ROR1: variants seen among roughly 807,000 people sequenced by gnomAD.
The protein encoded by ROR1 is inactive tyrosine-protein kinase transmembrane receptor ROR1.
ROR1 carries 19 observed loss-of-function variants against 78.8 expected under a neutral mutation model. The ratio of observed to expected loss-of-function variants is 0.24; its 90% CI spans 0.17 to 0.35. The LOEUF is 0.35. Ranked by LOEUF, ROR1 falls within the 10% of genes least tolerant of loss-of-function variation. The pLI, the probability that ROR1 is intolerant of heterozygous loss-of-function variation, is 1.00. For missense variants in ROR1, 917 were observed against 1,177.8 expected (o/e 0.78, Z 3.24); for synonymous variants, 386 against 433.6 (o/e 0.89, Z 1.36).
At position 63,932,640 on chromosome 1, in the gene ROR1, T is replaced by C. The variant is rs933574742; in HGVS notation, c.92-76665T>C. Among the ~76,000 whole-genome samples, 5 of 152,184 alleles carry C rather than the reference T, an allele frequency of 3.3e-5. No individual in the cohort carries two copies. The East Asian group carries it at 7.7e-4, about 23-fold the overall frequency. On this transcript the variant is annotated intron_variant, in intron 1 of 8. Coordinates refer to ENST00000371079, the MANE Select transcript of ROR1 (RefSeq NM_005012.4). ...CATTACCTTACCTGATTCTCAGATG[T>C]CCTCAAGTGATGTTATCATGATCTA... is the stretch of plus-strand genomic sequence containing the variant.
chr1:64,137,285 A>G (rs1649145440), intron 4 of ROR1, 84 bp from the exon 5 acceptor site: 1 of 1,472,726 alleles, frequency 6.8e-7, no homozygotes. Flanking sequence ...CCTAGTGACT[A>G]TTTAGGGTAT....
intron 4 of ROR1, among the ~76,000 whole-genome samples, chr1:64,091,063 G>T (rs2100643973): frequency 6.6e-6 from 1 of 152,304 alleles, no homozygotes; most frequent in East Asian, 1.9e-4. Flanking sequence ...GTTAGAGGCA[G>T]CTAGGATTCA....
Position 64,067,710 on chromosome 1 carries a change from C to CTTTTTTTTTTTTTTTT in ROR1, c.482+16999_482+17014dup, listed in dbSNP as rs986756579. On this transcript the variant is annotated intron_variant, in intron 4 of 8. Coordinates refer to ENST00000371079, the MANE Select transcript of ROR1 (RefSeq NM_005012.4). Reference sequence around the variant, plus strand: ...TATTTCTATCCAAGTTAAATAAATTCTTTTTTTTTTTTTTTTTTTTGAGAC... The same window carrying CTTTTTTTTTTTTTTTT: ...TATTTCTATCCAAGTTAAATAAATTCTTTTTTTTTTTTTTTTTTTTTTTTTTTTTTTTTTTTGAGAC... 1.1e-3 allele frequency among the ~76,000 whole-genome samples: 116 copies of CTTTTTTTTTTTTTTTT among 105,636 alleles called. 13 individuals carry two copies. The highest frequency in any genetic ancestry group is 3.7e-3 in the African/African-American group (87 of 23,496). The allele number at this position is 105,636 out of a possible 152,430, so 69.3% of individuals were successfully genotyped here. A position where few individuals can be genotyped will look rare whatever the true frequency, so the allele number is the denominator to read the frequency against.
At chr1:63,871,224 A>T (rs970230511) in intron 1 of ROR1, among the ~76,000 whole-genome samples, 3 of 152,214 alleles carry the variant, frequency 2.0e-5, no homozygotes, top group African/African-American at 7.2e-5. Flanking sequence ...AAAATCTATG[A>T]AAAGGAGACA....
rs975837008 is a variant in ROR1 at position 64,006,627 on chromosome 1, A to C, written c.92-2678A>C. On this transcript the variant is annotated intron_variant, in intron 1 of 8. Coordinates refer to ENST00000371079, the MANE Select transcript of ROR1 (RefSeq NM_005012.4). ...TGGGTAAAATTTTCTTTTTGTTTTC[A>C]TATTTTGGAATTAAGATCCCTGCCA... is the stretch of plus-strand genomic sequence containing the variant. Among the ~76,000 whole-genome samples, 5 of 152,214 alleles carry C rather than the reference A, an allele frequency of 3.3e-5. No homozygotes were observed. In the East Asian group the frequency reaches 9.7e-4, roughly 29 times the overall value.
At chr1:63,924,551 A>G in intron 1 of ROR1, among the ~76,000 whole-genome samples, 1 of 152,166 alleles carries the variant, frequency 6.6e-6, no homozygotes, top group Non-Finnish European at 1.5e-5. Flanking sequence ...CATCTCATAC[A>G]GCCTACTGCC....
intron 1 of ROR1, among the ~76,000 whole-genome samples, chr1:63,981,675 A>T (rs1646211591): frequency 1.3e-5 from 2 of 152,116 alleles, no homozygotes; most frequent in South Asian, 4.1e-4. Context: ...CAGCTGGTCC[A>T]CATGGGTAGG....
At chr1:63,929,895 C>A (rs1160396371) in intron 1 of ROR1, among the ~76,000 whole-genome samples, 2 of 152,122 alleles carry the variant, frequency 1.3e-5, no homozygotes, top group Non-Finnish European at 2.9e-5. Context: ...CAATCTGGCC[C>A]AGAACCTGGT....
intron 1 of ROR1, among the ~76,000 whole-genome samples, chr1:63,871,540 T>G (rs978704564): frequency 7.2e-5 from 11 of 152,190 alleles, no homozygotes; most frequent in African/African-American, 2.7e-4. Context: ...GTGTTATCAC[T>G]GCCAAGCACC....
At chr1:63,957,886 G>T (rs1645996692) in intron 1 of ROR1, among the ~76,000 whole-genome samples, 1 of 151,908 alleles carries the variant, frequency 6.6e-6, no homozygotes, top group African/African-American at 2.4e-5. Flanking sequence ...GGGATTATAG[G>T]CTCATGCCAC....
chr1:64,024,167 T>C (rs1026908566), intron 2 of ROR1, among the ~76,000 whole-genome samples: 3 of 152,196 alleles, frequency 2.0e-5, no homozygotes, highest in African/African-American at 7.2e-5. Flanking sequence ...TAATTCTTTA[T>C]AGCAGTGTGA....
intron 1 of ROR1, among the ~76,000 whole-genome samples, chr1:63,948,937 A>G (rs1191258684): frequency 6.6e-6 from 1 of 152,182 alleles, no homozygotes; most frequent in Non-Finnish European, 1.5e-5. Flanking sequence ...CACACGGTCT[A>G]TGATATTCTG....
At chr1:63,925,424 T>G (rs1368809338) in intron 1 of ROR1, among the ~76,000 whole-genome samples, 1 of 152,024 alleles carries the variant, frequency 6.6e-6, no homozygotes, top group Admixed American at 6.6e-5. Flanking sequence ...TGTTGGACAT[T>G]TGGGTTGGTT....
At chr1:64,038,664 T>A (rs1646722440) in intron 2 of ROR1, among the ~76,000 whole-genome samples, 2 of 152,202 alleles carry the variant, frequency 1.3e-5, no homozygotes, top group African/African-American at 2.4e-5. Context: ...GATCACACTT[T>A]ATCATGATTA....
chr1:63,931,984 C>T (rs904075236), intron 1 of ROR1, among the ~76,000 whole-genome samples: 3 of 152,104 alleles, frequency 2.0e-5, no homozygotes, highest in Admixed American at 1.3e-4. Flanking sequence ...GGTCTAGGAA[C>T]GTACCCCCTT....
intron 1 of ROR1, among the ~76,000 whole-genome samples, chr1:63,864,521 G>A (rs1036660234): frequency 2.6e-5 from 4 of 152,168 alleles, no homozygotes; most frequent in East Asian, 3.9e-4. Flanking sequence ...GGTATGACGG[G>A]GGGTAGGCGG....
chr1:64,156,340 T>C (rs972342537), intron 7 of ROR1, among the ~76,000 whole-genome samples: 1 of 152,216 alleles, frequency 6.6e-6, no homozygotes, highest in South Asian at 2.1e-4. Flanking sequence ...TGTCTATCTA[T>C]AGGCATGTAG....
Position 63,976,668 on chromosome 1 carries a change from G to A in ROR1, c.92-32637G>A, listed in dbSNP as rs188262326. 2.6e-5 allele frequency among the ~76,000 whole-genome samples: 4 copies of A among 152,186 alleles called. No individual in the cohort carries two copies. In the East Asian group the frequency reaches 5.8e-4, roughly 22 times the overall value. ...ATCTTTTTTCTTCCTCCTTTTGTCA[G>A]TCACTTGGTCATATTGCTCATTAGC... On this transcript the variant is annotated intron_variant, in intron 1 of 8. Transcript: ENST00000371079.
chr1:63,881,121 G>A (rs1025051272), intron 1 of ROR1, among the ~76,000 whole-genome samples: 2 of 152,156 alleles, frequency 1.3e-5, no homozygotes, highest in South Asian at 4.1e-4. Flanking sequence ...TGGTGATGCT[G>A]CTGGCCCTTA....
Sources: gnomAD v4.1 joint callset for allele counts (sites outside exome capture counted in the v4.1 genomes callset) on GRCh38, gnomAD v4.1.1 for gene constraint, MANE v1.5 for transcripts, NCBI Gene and HGNC (gene_info 2026-07-23, HGNC 2026-07-21) for gene names.